Variants in DNASE1L3 observed in about 807,000 individuals in gnomAD.
DNASE1L3 encodes the protein deoxyribonuclease gamma.
DNASE1L3 carries 27 observed loss-of-function variants against 30.9 expected under a neutral mutation model. The observed-to-expected ratio is 0.87, with a 90% CI of 0.64 to 1.20. The LOEUF is 1.20. Among genes scored for constraint, DNASE1L3 ranks in the 50% most tolerant of loss-of-function variants. The pLI, the probability that DNASE1L3 is intolerant of heterozygous loss-of-function variation, is 0.00. For missense variants in DNASE1L3, 364 were observed against 378.2 expected (o/e 0.96, Z 0.31); for synonymous variants, 135 against 138.0 (o/e 0.98, Z 0.15).
chr3:58,193,376 G>A lies in DNASE1L3; in HGVS notation c.768C>T (p.Asp256=). ...CAGTCAGCTTGTAAGCTTTCTGGAA[G>A]TCAAAAACACTGTTTGACTTGGGAA... The part of the protein sequence containing the change: ...SVVPKSNSVF[D]FQKAYKLTEE... Residue 256 remains aspartate, a synonymous_variant, in exon 7 of 8, where the codon GAC becomes GAT. Transcript: ENST00000394549. 6.2e-7 allele frequency: 1 copy of A among 1,614,118 alleles called. No homozygotes were observed. Among genetic ancestry groups the A allele is most frequent in the Non-Finnish European group, 8.5e-7 (1 of 1,180,014 alleles).
chr3:58,192,694 C>A lies in DNASE1L3; in HGVS notation c.911G>T (p.Arg304Leu). ...VTLRKKTKSK[R>L]S ...AAGATGAGACCCTTGGGTCTAGGAG[C>A]GTTTGCTCTTTGTTTTCTTCCTTAG... Residue 304 changes from arginine (R) to leucine (L), a missense_variant, in exon 8 of 8, where the codon CGC becomes CTC. By Grantham distance (102) the Arg-to-Leu change is moderately radical. Coordinates refer to ENST00000394549, the MANE Select transcript of DNASE1L3 (RefSeq NM_004944.4). The surrounding 1 kb of genome is among the most constrained non-coding windows in gnomAD (Gnocchi z 4.8). 1 of 1,613,946 alleles carries A rather than the reference C, an allele frequency of 6.2e-7. No individual in the cohort carries two copies. The highest frequency in any genetic ancestry group is 8.5e-7 in the Non-Finnish European group (1 of 1,179,944).
At chr3:58,199,255 C>T (rs924089713) in intron 5 of DNASE1L3, among the ~76,000 whole-genome samples, 2 of 152,148 alleles carry the variant, frequency 1.3e-5, no homozygotes, top group African/African-American at 4.8e-5. Flanking sequence ...TTTAAATTTA[C>T]ACCTGGCAGC....
intron 6 of DNASE1L3, 42 bp from the exon 7 acceptor site, chr3:58,193,481 G>C: frequency 6.5e-7 from 1 of 1,544,134 alleles, no homozygotes; most frequent in South Asian, 1.1e-5. Context: ...AATCCAACCT[G>C]TGATTGCTGA....
chr3:58,204,639 A>G (rs1390384229), intron 4 of DNASE1L3, 130 bp downstream of exon 4: 1 of 715,778 alleles, frequency 1.4e-6, no homozygotes, highest in African/African-American at 1.8e-5. Context: ...CATCGTCTAC[A>G]TTGAAGTATT....
chr3:58,204,675 C>G, intron 4 of DNASE1L3, 94 bp downstream of exon 4: 1 of 995,844 alleles, frequency 1.0e-6, no homozygotes, highest in Non-Finnish European at 1.5e-6. Context: ...TCACATCCAG[C>G]CTAATGCCTC....
chr3:58,204,253 A>G (rs12497341), intron 4 of DNASE1L3, among the ~76,000 whole-genome samples: 54,888 of 150,642 alleles, frequency 0.36, 10,097 homozygotes, highest in Middle Eastern at 0.41. Flanking sequence ...TGATTCTCCT[A>G]CCTCAGCCTC....
chr3:58,197,889 C>A lies in DNASE1L3; in HGVS notation c.636G>T (p.Arg212Ser). 6.2e-7 allele frequency: 1 copy of A among 1,614,200 alleles called. No individual in the cohort carries two copies. Among genetic ancestry groups the A allele is most frequent in the Non-Finnish European group, 8.5e-7 (1 of 1,180,028 alleles). Reference protein sequence around the residue: ...WKNIRLRTDPRFVWLIGDQED... With the variant: ...WKNIRLRTDPSFVWLIGDQED... ...CTTGGTCCCCGATCAGCCAAACAAA[C>A]CTGGGGTCAGTCCTCAAGCGGATGT... The change falls in exon 6 of 8, where the codon AGG (arginine) becomes AGT (serine). Residue 212 changes from arginine to serine, a missense_variant. Arg to Ser is a moderately radical substitution (Grantham distance 110). Coordinates refer to ENST00000394549, the MANE Select transcript of DNASE1L3 (RefSeq NM_004944.4). This position sits in a 1 kb window ranked among gnomAD's most constrained non-coding sequence, Gnocchi z 5.3.
chr3:58,208,017 C>T, intron 2 of DNASE1L3: 1 of 496,218 alleles, frequency 2.0e-6, no homozygotes, highest in South Asian at 4.4e-5. Flanking sequence ...ATCTATTTCC[C>T]CTATTCTATT....
At position 58,194,707 on chromosome 3, in the gene DNASE1L3, G is replaced by A. The variant is rs1217371868; in HGVS notation, c.705-1268C>T. Among the ~76,000 whole-genome samples the A allele has an allele frequency of 2.1e-5, 3 of 142,428 alleles. No homozygotes were observed. In the Admixed American group the frequency reaches 2.2e-4, roughly 10 times the overall value. The allele number at this position is 142,428 out of a possible 152,430, so 93.4% of individuals were successfully genotyped here. On this transcript the variant is annotated intron_variant, in intron 6 of 7. Coordinates refer to ENST00000394549, the MANE Select transcript of DNASE1L3 (RefSeq NM_004944.4). ...GTGGCGCAATCTCGGCTCACTGCAAGCTCTGCCTCCTGGGTTCATGCCATT... is the reference window on the plus strand; with the variant it reads ...GTGGCGCAATCTCGGCTCACTGCAAACTCTGCCTCCTGGGTTCATGCCATT...
intron 2 of DNASE1L3, among the ~76,000 whole-genome samples, chr3:58,207,078 C>T (rs2097404511): frequency 6.6e-6 from 1 of 152,126 alleles, no homozygotes; most frequent in Non-Finnish European, 1.5e-5. Context: ...TTAAGTGTTT[C>T]TTGCTGAGAT....
At chr3:58,206,991 G>A (rs74805132) in intron 2 of DNASE1L3, among the ~76,000 whole-genome samples, 2,631 of 152,202 alleles carry the variant, frequency 0.017, 63 homozygotes, top group African/African-American at 0.06. Flanking sequence ...GAGCCTGGGG[G>A]ATGATGGCAC....
At chr3:58,193,474 C>T (rs1210058558) in intron 6 of DNASE1L3, 35 bp from the exon 7 acceptor site, 1 of 1,567,298 alleles carries the variant, frequency 6.4e-7, no homozygotes, top group Admixed American at 1.7e-5. Context: ...TTGTGTTAAT[C>T]CAACCTGTGA....
chr3:58,208,303 T>C lies in DNASE1L3; in HGVS notation c.145A>G (p.Ile49Val), dbSNP rs1020299012. 14 of 1,614,136 alleles carry C rather than the reference T, an allele frequency of 8.7e-6. No homozygotes were observed. Among genetic ancestry groups the C allele is most frequent in the African/African-American group, 5.3e-5 (4 of 74,942 alleles). The change falls in exon 2 of 8, where the codon ATC (isoleucine) becomes GTC (valine). Residue 49 changes from isoleucine (I) to valine (V), a missense_variant. Ile to Val is a conservative substitution (Grantham distance 29). Coordinates refer to ENST00000394549, the MANE Select transcript of DNASE1L3 (RefSeq NM_004944.4). ...ACGAGTATGATGTCACAGCGTTTGA[T>C]GACCTGCAAGAAAGAGAATTCCCAG... is the stretch of plus-strand genomic sequence containing the variant. ...KNAMDVIVKV[I>V]KRCDIILVME...
At chr3:58,205,919 A>G (rs1459080576) in intron 2 of DNASE1L3, among the ~76,000 whole-genome samples, 1 of 152,250 alleles carries the variant, frequency 6.6e-6, no homozygotes, top group Non-Finnish European at 1.5e-5. Flanking sequence ...AATCTTGGCC[A>G]GAATCAGCCC....
chr3:58,192,725 C>T lies in DNASE1L3; in HGVS notation c.880G>A (p.Val294Ile), dbSNP rs769227334. 3 of 1,614,038 alleles carry T rather than the reference C, an allele frequency of 1.9e-6. No individual in the cohort carries two copies. The highest frequency in any genetic ancestry group is 2.5e-6 in the Non-Finnish European group (3 of 1,180,022). Residue 294 changes from valine (V) to isoleucine (I), a missense_variant, in exon 8 of 8, where the codon GTC (valine) becomes ATC (isoleucine). Coordinates refer to ENST00000394549, the MANE Select transcript of DNASE1L3 (RefSeq NM_004944.4). This position sits in a 1 kb window ranked among gnomAD's most constrained non-coding sequence, Gnocchi z 4.8. ...SRAFTNSKKSVTLRKKTKSKR... is the reference protein window; with the variant it reads ...SRAFTNSKKSITLRKKTKSKR... ...CTCTTTGTTTTCTTCCTTAGAGTGA[C>T]AGATTTTTTGCTGTTGGTGAAGGCC...
rs74906711 is a variant in DNASE1L3 at position 58,202,022 on chromosome 3, G to A, written c.434-913C>T. 2.8e-3 allele frequency among the ~76,000 whole-genome samples: 418 copies of A among 151,864 alleles called. 2 individuals are homozygous for A. The highest frequency in any genetic ancestry group is 8.9e-3 in the African/African-American group (369 of 41,420). On this transcript the variant is annotated intron_variant, in intron 4 of 7. Coordinates refer to ENST00000394549, the MANE Select transcript of DNASE1L3 (RefSeq NM_004944.4). The stretch of plus-strand genomic sequence containing the variant: ...TGAGTGCTTTTATTTTCCCCTTTTT[G>A]TGTGTGTGGCAAATCTGTATTTTCT...
At chr3:58,198,824 T>C (rs2097398907) in intron 5 of DNASE1L3, among the ~76,000 whole-genome samples, 1 of 152,190 alleles carries the variant, frequency 6.6e-6, no homozygotes, top group African/African-American at 2.4e-5. Flanking sequence ...TTCTCTCCTA[T>C]TGTTTTGAAG....
At chr3:58,199,022 GCCAGATTT>G (rs2097399013) in intron 5 of DNASE1L3, among the ~76,000 whole-genome samples, 1 of 152,158 alleles carries the variant, frequency 6.6e-6, no homozygotes, top group African/African-American at 2.4e-5. Flanking sequence ...CAGAGGAAGT[GCCAGATTT>G]CCTTGTTTGT....
chr3:58,207,446 C>A (rs34169790), intron 2 of DNASE1L3, among the ~76,000 whole-genome samples: 7,503 of 86,672 alleles, frequency 0.087, 583 homozygotes, highest in African/African-American at 0.084. Flanking sequence ...ATCACACCCC[C>A]CCCCCCCCCA....
Sources: allele counts gnomAD v4.1 joint callset (sites outside exome capture counted in the v4.1 genomes callset), GRCh38; gene constraint gnomAD v4.1.1; non-coding constraint Gnocchi (gnomAD v3.1); transcripts MANE v1.5; gene names NCBI Gene and HGNC (gene_info 2026-07-23, HGNC 2026-07-21).